DPRX: variants seen among roughly 807,000 people sequenced by gnomAD.
The protein encoded by DPRX is divergent-paired related homeobox, also known as divergent paired-related homeobox.
Under a neutral mutation model 8.4 loss-of-function variants are expected in DPRX, and 11 were observed. That is an observed-to-expected ratio of 1.31 (90% CI 0.82 to 2.17). The LOEUF (loss-of-function observed/expected upper bound fraction) is 2.17. Ranked by LOEUF, DPRX falls within the 30% of genes most tolerant of loss-of-function variation. The probability of loss-of-function intolerance (pLI) is 0.00; values close to 1 mark genes in which losing one functional copy is unlikely to be tolerated. For missense variants in DPRX, 211 were observed against 236.7 expected, an observed-to-expected ratio of 0.89 and a Z score of 0.71; for synonymous variants, 72 against 87.0, an observed-to-expected ratio of 0.83 and a Z score of 0.96.
At chr19:53,616,275 A>G in the DPRX span, among the ~76,000 whole-genome samples, 1 of 151,986 alleles carries the variant, frequency 6.6e-6, no homozygotes, top group Non-Finnish European at 1.5e-5. Flanking sequence ...TAAATAAAAA[A>G]TAAAATAAAA....
the DPRX span, chr19:53,601,257 C>T: frequency 4.4e-6 from 2 of 455,980 alleles, no homozygotes; most frequent in East Asian, 1.4e-4. Context: ...TTCCAGGAAG[C>T]CACTCACCAA....
the DPRX span, among the ~76,000 whole-genome samples, chr19:53,608,987 A>G: frequency 6.8e-6 from 1 of 146,746 alleles, no homozygotes; most frequent in African/African-American, 2.5e-5. Flanking sequence ...AAAGAAAAGA[A>G]AGAAAGAGAA....
At chr19:53,604,046 G>A in the DPRX span, among the ~76,000 whole-genome samples, 3,333 of 152,110 alleles carry the variant, frequency 0.022, 107 homozygotes, top group East Asian at 0.16. Flanking sequence ...GCGCCCCGCC[G>A]TAATTGATAA....
At chr19:53,615,655 T>C in the DPRX span, among the ~76,000 whole-genome samples, 1 of 152,178 alleles carries the variant, frequency 6.6e-6, no homozygotes, top group Non-Finnish European at 1.5e-5. Context: ...GGAAATCTTT[T>C]CCTAGTTTCT....
chr19:53,623,114 G>A, the DPRX span, among the ~76,000 whole-genome samples: 1 of 149,812 alleles, frequency 6.7e-6, no homozygotes, highest in Non-Finnish European at 1.5e-5. Flanking sequence ...GACCATCCTG[G>A]CTAACATGGT....
chr19:53,618,615 TAA>T, the DPRX span, among the ~76,000 whole-genome samples: 37 of 102,782 alleles, frequency 3.6e-4, no homozygotes, highest in Middle Eastern at 5.6e-3. Context: ...ACCCCATCTC[TAA>T]AAAAAAAAAA....
the DPRX span, chr19:53,617,040 A>G: frequency 3.2e-6 from 4 of 1,230,788 alleles, no homozygotes; most frequent in Non-Finnish European, 4.8e-6. Context: ...CCTACAGAGT[A>G]AGTGGACAAT....
chr19:53,632,283 T>G, intron 1 of DPRX, 149 bp downstream of exon 1: 1 of 978,818 alleles, frequency 1.0e-6, no homozygotes, highest in South Asian at 1.4e-5. Flanking sequence ...TGTCATCGTT[T>G]TTGTTGTTGT....
At chr19:53,627,183 C>T (rs1386579994), upstream of DPRX, among the ~76,000 whole-genome samples, 1 of 152,098 alleles carries the variant, frequency 6.6e-6, no homozygotes, top group Non-Finnish European at 1.5e-5. Context: ...AAGCCGAAGG[C>T]ATTTTCTTAT....
chr19:53,626,734 T>G, the DPRX span, among the ~76,000 whole-genome samples: 6 of 152,264 alleles, frequency 3.9e-5, no homozygotes, highest in Admixed American at 3.9e-4. Flanking sequence ...ATCTTTTTAC[T>G]CTCTCCCAGG....
At chr19:53,609,441 T>C in the DPRX span, among the ~76,000 whole-genome samples, 2 of 133,770 alleles carry the variant, frequency 1.5e-5, no homozygotes, top group East Asian at 4.3e-4. Flanking sequence ...TACTTTAGCC[T>C]GGGCGACAGA....
chr19:53,601,318 A>C, the DPRX span: 2 of 456,526 alleles, frequency 4.4e-6, no homozygotes, highest in Non-Finnish European at 8.8e-6. Flanking sequence ...CATCTGCATC[A>C]TCAGGTAAAC....
chr19:53,605,776 C>A, the DPRX span, among the ~76,000 whole-genome samples: 1 of 152,070 alleles, frequency 6.6e-6, no homozygotes. Flanking sequence ...GCAATCCTCC[C>A]ACTTGAGCCT....
the DPRX span, among the ~76,000 whole-genome samples, chr19:53,626,776 G>A: frequency 5.3e-5 from 8 of 152,120 alleles, no homozygotes; most frequent in Admixed American, 1.3e-4. Flanking sequence ...TTGGCTTACT[G>A]TAGCCTCCGC....
chr19:53,634,499 T>TC (rs751600920), intron 1 of DPRX, 32 bp from the exon 2 acceptor site: 1 of 1,595,110 alleles, frequency 6.3e-7, no homozygotes, highest in Non-Finnish European at 8.5e-7. Flanking sequence ...TGTTAGCATT[T>TC]CCCATTTGTG....
chr19:53,607,297 G>C, the DPRX span, among the ~76,000 whole-genome samples: 2 of 152,170 alleles, frequency 1.3e-5, no homozygotes, highest in Non-Finnish European at 2.9e-5. Context: ...AATGGCTCAC[G>C]CCTATAATCC....
At chr19:53,623,310 A>AAAATAAATAAAT in the DPRX span, among the ~76,000 whole-genome samples, 3,331 of 133,950 alleles carry the variant, frequency 0.025, 88 homozygotes, top group African/African-American at 0.059. Flanking sequence ...CTGTCTCAAA[A>AAAATAAATAAAT]AAATAAATAA....
At chr19:53,602,264 ATGGGTGTGTG>A in the DPRX span, 2 of 338,214 alleles carry the variant, frequency 5.9e-6, no homozygotes, top group Non-Finnish European at 1.1e-5. Context: ...ATATATGGGT[ATGGGTGTGTG>A]TGTGTGTGTG....
chr19:53,627,092 T>C (rs1302856728), upstream of DPRX, among the ~76,000 whole-genome samples: 2 of 152,084 alleles, frequency 1.3e-5, no homozygotes, highest in Non-Finnish European at 1.5e-5. Context: ...TCCAGCCCTA[T>C]TTGCGCAGTA....
Sources: allele counts gnomAD v4.1 joint callset (sites outside exome capture counted in the v4.1 genomes callset), GRCh38; gene constraint gnomAD v4.1.1; transcripts MANE v1.5; gene names NCBI Gene and HGNC (gene_info 2026-07-23, HGNC 2026-07-21).